MACC1: variants seen among roughly 807,000 people sequenced by gnomAD.
The protein encoded by MACC1 is metastasis-associated in colon cancer protein 1.
In MACC1, 79 loss-of-function variants were observed where a neutral mutation model predicts 70.7. That is an observed-to-expected ratio of 1.12 (90% CI 0.93 to 1.35). The LOEUF (loss-of-function observed/expected upper bound fraction) is 1.35. Ranked by LOEUF, MACC1 falls within the 40% of genes most tolerant of loss-of-function variation. The pLI is 0.00. For missense variants in MACC1, 1,106 were observed against 978.1 expected, an observed-to-expected ratio of 1.13 and a Z score of -1.74; for synonymous variants, 361 against 347.2, an observed-to-expected ratio of 1.04 and a Z score of -0.44.
intron 1 of MACC1, among the ~76,000 whole-genome samples, chr7:20,179,647 A>G (rs563370092): frequency 1.3e-5 from 2 of 151,928 alleles, no homozygotes; most frequent in East Asian, 3.9e-4. Flanking sequence ...TTAATATCTG[A>G]AGCCCCACAC....
At chr7:20,167,884 A>G (rs1010641365) in intron 2 of MACC1, among the ~76,000 whole-genome samples, 6 of 152,176 alleles carry the variant, frequency 3.9e-5, no homozygotes, top group African/African-American at 1.4e-4. Flanking sequence ...TATGTTTTGA[A>G]CAAGAGGTCC....
Position 20,154,372 on chromosome 7 carries a change from T to G in MACC1, c.2167A>C (p.Lys723Gln). 1 of 1,613,088 alleles carries G rather than the reference T, an allele frequency of 6.2e-7. No individual in the cohort carries two copies. The highest frequency in any genetic ancestry group is 8.5e-7 in the Non-Finnish European group (1 of 1,179,356). ...FLYELIVALLKMDCQELVARL... is the reference protein window; with the variant it reads ...FLYELIVALLQMDCQELVARL... The stretch of plus-strand genomic sequence containing the variant: ...GCGACTAACTCTTGGCAATCCATTT[T>G]CAGAAGAGCCTGCAGCAACAATTAC... Residue 723 changes from lysine (K) to glutamine (Q), a missense_variant, in exon 6 of 7, where the codon AAA (lysine) becomes CAA (glutamine). Physicochemically the swap from Lys to Gln is moderately conservative, Grantham distance 53 (BLOSUM62 1). Coordinates refer to ENST00000400331, the MANE Select transcript of MACC1 (RefSeq NM_182762.4).
At chr7:20,146,493 C>A (rs895902048) in intron 6 of MACC1, among the ~76,000 whole-genome samples, 27 of 152,194 alleles carry the variant, frequency 1.8e-4, no homozygotes, top group Non-Finnish European at 1.5e-4. Flanking sequence ...TAATAAATTA[C>A]AAAGAAAATG....
intron 1 of MACC1, among the ~76,000 whole-genome samples, chr7:20,171,053 A>C (rs1419836511): frequency 2.6e-5 from 4 of 152,178 alleles, no homozygotes; most frequent in African/African-American, 9.7e-5. Flanking sequence ...CAACAGTATG[A>C]ACTCTTTGTC....
At chr7:20,186,276 T>G (rs955765653) in intron 1 of MACC1, among the ~76,000 whole-genome samples, 2 of 152,184 alleles carry the variant, frequency 1.3e-5, no homozygotes, top group African/African-American at 4.8e-5. Context: ...GGTTTTCTAA[T>G]ACAAGTAATG....
intron 1 of MACC1, among the ~76,000 whole-genome samples, chr7:20,214,145 C>T (rs775679850): frequency 2.0e-5 from 3 of 152,066 alleles, no homozygotes; most frequent in Non-Finnish European, 4.4e-5. Flanking sequence ...AGGAGGAACC[C>T]GCTAAAGTAT....
intron 6 of MACC1, among the ~76,000 whole-genome samples, chr7:20,148,365 A>T (rs1456299720): frequency 6.6e-6 from 1 of 152,192 alleles, no homozygotes; most frequent in East Asian, 1.9e-4. Flanking sequence ...CATTTTACTA[A>T]AGTATTGCCA....
At chr7:20,163,086 AAAC>A (rs1212070221) in intron 3 of MACC1, among the ~76,000 whole-genome samples, 4 of 152,214 alleles carry the variant, frequency 2.6e-5, no homozygotes, top group African/African-American at 4.8e-5. Context: ...AAACAAAATA[AAAC>A]AACACTATAG....
intron 1 of MACC1, among the ~76,000 whole-genome samples, chr7:20,172,225 A>G (rs1421249733): frequency 6.6e-6 from 1 of 152,208 alleles, no homozygotes. Context: ...CCAAATGAAC[A>G]TACGGGTTAC....
In MACC1 at chr7:20,136,662, G is replaced by T. The variant is rs1481663514; in HGVS notation, c.*4284C>A. Reference sequence around the variant, plus strand: ...ACATGCCATTTGATTCTGAAAAAATGTCTTTGGATTATCCCACCAATCATA... The same window carrying T: ...ACATGCCATTTGATTCTGAAAAAATTTCTTTGGATTATCCCACCAATCATA... On this transcript the variant is annotated 3_prime_UTR_variant, in exon 7 of 7. Coordinates refer to ENST00000400331, the MANE Select transcript of MACC1 (RefSeq NM_182762.4). 1 of 151,914 alleles carries T rather than the reference G, an allele frequency of 6.6e-6. No homozygotes were observed. The highest frequency in any genetic ancestry group is 1.5e-5 in the Non-Finnish European group (1 of 67,986). 9.4% of individuals were successfully genotyped at this position (151,914 alleles called of 1,614,324 possible).
rs559534870 is a variant in MACC1 at position 20,215,537 on chromosome 7, T to C, written c.-218+1762A>G. ...GTTTCATTCTAATTCTATCCTGGAC[T>C]TGCTGACATAGGGTTTACATTTATT... On this transcript the variant is annotated intron_variant, in intron 1 of 6. Coordinates refer to ENST00000400331, the MANE Select transcript of MACC1 (RefSeq NM_182762.4). Among the ~76,000 whole-genome samples the C allele has an allele frequency of 2.0e-5, 3 of 152,364 alleles. No homozygotes were observed. In the South Asian group the frequency reaches 6.2e-4, roughly 32 times the overall value.
At chr7:20,180,788 A>G (rs1049460267) in intron 1 of MACC1, among the ~76,000 whole-genome samples, 1 of 152,168 alleles carries the variant, frequency 6.6e-6, no homozygotes, top group African/African-American at 2.4e-5. Context: ...CAGAGGTTTC[A>G]GTGAGGTGAG....
rs781754603 is a variant in MACC1 at position 20,159,345 on chromosome 7, T to A, written c.1016A>T (p.Asp339Val). 3 of 1,614,080 alleles carry A rather than the reference T, an allele frequency of 1.9e-6. No individual in the cohort carries two copies. Among genetic ancestry groups the A allele is most frequent in the Non-Finnish European group, 2.5e-6 (3 of 1,180,004 alleles). The change falls in exon 5 of 7, where the codon GAC becomes GTC. Residue 339 changes from aspartate (D) to valine (V), a missense_variant. Asp to Val is a radical substitution (Grantham distance 152). Coordinates refer to ENST00000400331, the MANE Select transcript of MACC1 (RefSeq NM_182762.4). Reference sequence around the variant, plus strand: ...CACTAGATACATTACCTGACTCAAGTCGATTAGCTTGACTTGGATGGTGTC... The same window carrying A: ...CACTAGATACATTACCTGACTCAAGACGATTAGCTTGACTTGGATGGTGTC... The part of the protein sequence containing the change: ...YKDTIQVKLI[D>V]LSQVMYLVVA...
At chr7:20,197,087 G>T (rs1782765060) in intron 1 of MACC1, among the ~76,000 whole-genome samples, 1 of 152,176 alleles carries the variant, frequency 6.6e-6, no homozygotes, top group Non-Finnish European at 1.5e-5. Context: ...CTGATTTCTA[G>T]AAGTTTATTT....
intron 1 of MACC1, among the ~76,000 whole-genome samples, chr7:20,178,935 CCTTT>C (rs1782456932): frequency 6.6e-6 from 1 of 152,080 alleles, no homozygotes; most frequent in Admixed American, 6.5e-5. Flanking sequence ...AGAACTCATA[CCTTT>C]CTTCAATCCT....
intron 1 of MACC1, among the ~76,000 whole-genome samples, chr7:20,174,936 T>C (rs913314007): frequency 6.6e-6 from 1 of 152,162 alleles, no homozygotes; most frequent in African/African-American, 2.4e-5. Context: ...TGAAAAATAT[T>C]CTAATACTAA....
At chr7:20,192,217 T>C (rs1782682932) in intron 1 of MACC1, among the ~76,000 whole-genome samples, 1 of 152,120 alleles carries the variant, frequency 6.6e-6, no homozygotes, top group Non-Finnish European at 1.5e-5. Context: ...AATTCCAATA[T>C]AGGGTATTAT....
Position 20,193,869 on chromosome 7 carries a change from G to A in MACC1, c.-217-23091C>T, listed in dbSNP as rs1017731407. On this transcript the variant is annotated intron_variant, in intron 1 of 6. Transcript: ENST00000400331. ...GCTGACATCACTGTTCTCCAACCCC[G>A]GCTCTGCCATCTTTATTCCCCCGCC... 2.7e-5 allele frequency among the ~76,000 whole-genome samples: 4 copies of A among 150,144 alleles called. No individual in the cohort carries two copies. The East Asian group carries it at 7.8e-4, about 29-fold the overall frequency.
At chr7:20,158,078 T>C in intron 5 of MACC1, 126 bp downstream of exon 5, 1 of 1,086,682 alleles carries the variant, frequency 9.2e-7, no homozygotes, top group South Asian at 2.1e-5. Flanking sequence ...TGCTATAAAG[T>C]GTCTTTAATG....
Sources: allele counts gnomAD v4.1 joint callset (sites outside exome capture counted in the v4.1 genomes callset), GRCh38; gene constraint gnomAD v4.1.1; transcripts MANE v1.5; gene names NCBI Gene and HGNC (gene_info 2026-07-23, HGNC 2026-07-21).